BLOC1S6: variants seen among roughly 807,000 people sequenced by gnomAD.
The protein encoded by BLOC1S6 is biogenesis of lysosomal organelles complex 1 subunit 6, also known as biogenesis of lysosome-related organelles complex 1 subunit 6.
BLOC1S6 carries 24 observed loss-of-function variants against 24.7 expected under a neutral mutation model. That is an observed-to-expected ratio of 0.97 (90% CI 0.70 to 1.37). The LOEUF is 1.37. Among genes scored for constraint, BLOC1S6 ranks in the 40% most tolerant of loss-of-function variants. BLOC1S6 has a pLI of 0.00. For synonymous variants in BLOC1S6, 76 were observed against 72.6 expected, an observed-to-expected ratio of 1.05 and a Z score of -0.23; for missense variants, 175 against 196.2, an observed-to-expected ratio of 0.89 and a Z score of 0.64.
intron 2 of BLOC1S6, among the ~76,000 whole-genome samples, chr15:45,593,386 GAAAAAA>G (rs59495378): frequency 0.15 from 9,431 of 63,302 alleles, 1,231 homozygotes; most frequent in African/African-American, 0.38. Flanking sequence ...CTCTGTCTCC[GAAAAAA>G]AAAAAAAAAA....
intron 1 of BLOC1S6, among the ~76,000 whole-genome samples, chr15:45,589,204 T>G (rs976126575): frequency 6.6e-6 from 1 of 152,228 alleles, no homozygotes; most frequent in Non-Finnish European, 1.5e-5. Flanking sequence ...TATGTTGGTA[T>G]GGAAAGATAC....
In BLOC1S6 at chr15:45,592,252, C is replaced by A. The variant is rs772475341; in HGVS notation, c.200C>A (p.Ser67Ter). The change falls in exon 2 of 5, where the codon TCA becomes TAA. Residue 67 changes from serine (S) to a stop codon, truncating the protein, a stop_gained. Transcript: ENST00000220531. LOFTEE classifies it high-confidence loss of function. ...LSHYLPDLQR[S>*]KQALQELTQN... ...CATTATTTGCCAGATCTGCAGAGAT[C>A]AAAACAAGCCCTCCAGGAACTCACG... is the stretch of plus-strand genomic sequence containing the variant. 2 of 1,613,892 alleles carry A rather than the reference C, an allele frequency of 1.2e-6. 1 individual carries two copies. Among genetic ancestry groups the A allele is most frequent in the African/African-American group, 2.7e-5 (2 of 74,900 alleles).
chr15:45,595,015 T>C (rs1894018159), intron 2 of BLOC1S6, among the ~76,000 whole-genome samples: 1 of 152,088 alleles, frequency 6.6e-6, no homozygotes, highest in Non-Finnish European at 1.5e-5. Context: ...GGGTAGTGCC[T>C]GGGAGGTTCC....
rs901717899 is a variant in BLOC1S6 at position 45,605,571 on chromosome 15, T to C, written c.399+57T>C. The C allele has an allele frequency of 2.1e-5, 28 of 1,330,930 alleles. 1 individual carries two copies. The highest frequency in any genetic ancestry group is 3.8e-4 in the Middle Eastern group (2 of 5,262). 82.4% of individuals were successfully genotyped at this position (1,330,930 alleles called of 1,614,324 possible). On this transcript the variant is annotated intron_variant, in intron 4 of 4. Transcript: ENST00000220531. ...AAAGTAGAGGTTTAATTGTTTTTTGTTGTTTTTTTTTTTTTTCAGTATTCT... is the reference window on the plus strand; with the variant it reads ...AAAGTAGAGGTTTAATTGTTTTTTGCTGTTTTTTTTTTTTTTCAGTATTCT...
chr15:45,587,152 A>C (rs1595549427), upstream of BLOC1S6: 1 of 497,666 alleles, frequency 2.0e-6, no homozygotes, highest in Non-Finnish European at 3.7e-6. Flanking sequence ...CAAACCGACC[A>C]CCGTCCTCCC....
At chr15:45,603,053 C>A (rs780056996) in intron 2 of BLOC1S6, 47 bp from the exon 3 acceptor site, 55 of 1,269,926 alleles carry the variant, frequency 4.3e-5, no homozygotes, top group African/African-American at 5.9e-5. Flanking sequence ...AATGGACCGG[C>A]ACTTTAAATA....
chr15:45,594,809 T>G (rs1894009019), intron 2 of BLOC1S6, among the ~76,000 whole-genome samples: 1 of 152,162 alleles, frequency 6.6e-6, no homozygotes, highest in Non-Finnish European at 1.5e-5. Context: ...GGTTTTGAAC[T>G]CCTGACCTCA....
In BLOC1S6 at chr15:45,593,047, A is replaced by C. The variant is rs911031451; in HGVS notation, c.224+771A>C. ...GAGGAATAATAACTGTGCTTATTTT[A>C]TAATTATAAGTAATGTTATAATCCT... On this transcript the variant is annotated intron_variant, in intron 2 of 4. Coordinates refer to ENST00000220531, the MANE Select transcript of BLOC1S6 (RefSeq NM_012388.4). 2.6e-5 allele frequency among the ~76,000 whole-genome samples: 4 copies of C among 152,192 alleles called. No individual in the cohort carries two copies. In the South Asian group the frequency reaches 8.3e-4, roughly 31 times the overall value.
intron 1 of BLOC1S6, among the ~76,000 whole-genome samples, chr15:45,588,828 A>G (rs1893782316): frequency 6.6e-6 from 1 of 152,198 alleles, no homozygotes; most frequent in African/African-American, 2.4e-5. Flanking sequence ...ACTGTATTCC[A>G]GCCTTTCCTC....
intron 2 of BLOC1S6, among the ~76,000 whole-genome samples, chr15:45,593,464 A>T (rs1272055062): frequency 6.6e-6 from 1 of 151,802 alleles, no homozygotes; most frequent in Non-Finnish European, 1.5e-5. Context: ...GGGAGTTGGC[A>T]ACCTTCTCAG....
At position 45,608,888 on chromosome 15, in the gene BLOC1S6, T is replaced by C. The variant is rs1209036432; in HGVS notation, c.*2374T>C. On this transcript the variant is annotated 3_prime_UTR_variant, in exon 5 of 5. Transcript: ENST00000220531. ...AAATTCTGAGCTGCTGCTTTTGATATAGTCAGACTTAAGACTGAACCCCAG... is the reference window on the plus strand; with the variant it reads ...AAATTCTGAGCTGCTGCTTTTGATACAGTCAGACTTAAGACTGAACCCCAG... 1.3e-5 allele frequency: 2 copies of C among 152,226 alleles called. No homozygotes were observed. The highest frequency in any genetic ancestry group is 2.9e-5 in the Non-Finnish European group (2 of 68,038). 9.4% of individuals were successfully genotyped at this position (152,226 alleles called of 1,614,324 possible).
At chr15:45,601,637 G>T (rs572285233) in intron 2 of BLOC1S6, among the ~76,000 whole-genome samples, 112 of 150,546 alleles carry the variant, frequency 7.4e-4, no homozygotes, top group African/African-American at 1.4e-3. Context: ...ATACTTTGGG[G>T]TTTTTTTTTC....
Position 45,603,169 on chromosome 15 carries a change from G to T in BLOC1S6, c.294G>T (p.Met98Ile), listed in dbSNP as rs574333116. Residue 98 changes from methionine to isoleucine, a missense_variant, in exon 3 of 5, where the codon ATG (methionine) becomes ATT (isoleucine). Physicochemically the swap from Met to Ile is conservative, Grantham distance 10. Coordinates refer to ENST00000220531, the MANE Select transcript of BLOC1S6 (RefSeq NM_012388.4). ...CAAAATTTAAAGAATGTCATTCTAT[G>T]TTGGATATTAATGCTTTGGTAAGTA... ...EISKFKECHS[M>I]LDINALFAEA... 76 of 1,598,094 alleles carry T rather than the reference G, an allele frequency of 4.8e-5. No individual in the cohort carries two copies. Among genetic ancestry groups the T allele is most frequent in the Non-Finnish European group, 6.3e-5 (73 of 1,166,342 alleles).
chr15:45,589,883 A>T (rs1231050525), intron 1 of BLOC1S6, among the ~76,000 whole-genome samples: 2 of 152,238 alleles, frequency 1.3e-5, no homozygotes, highest in African/African-American at 2.4e-5. Context: ...ACTGAGACTC[A>T]TCCAATAATT....
chr15:45,595,451 A>G (rs746673238), intron 2 of BLOC1S6, among the ~76,000 whole-genome samples: 25 of 152,170 alleles, frequency 1.6e-4, no homozygotes, highest in Non-Finnish European at 3.4e-4. Flanking sequence ...GTGTCTGTTC[A>G]GATCTTTTGC....
chr15:45,595,003 C>G (rs142853533), intron 2 of BLOC1S6, among the ~76,000 whole-genome samples: 2 of 152,232 alleles, frequency 1.3e-5, no homozygotes, highest in East Asian at 3.9e-4. Flanking sequence ...CAGAGACACA[C>G]AGGGTAGTGC....
At chr15:45,587,161 C>T (rs1893700583), upstream of BLOC1S6, 3 of 519,292 alleles carry the variant, frequency 5.8e-6, no homozygotes, top group East Asian at 3.5e-5. Flanking sequence ...CACCGTCCTC[C>T]CCCAGCTCCC....
chr15:45,605,573 G>GTTTTT, intron 4 of BLOC1S6, 59 bp downstream of exon 4: 3 of 824,806 alleles, frequency 3.6e-6, no homozygotes, highest in Non-Finnish European at 3.6e-6. Flanking sequence ...GTTTTTTGTT[G>GTTTTT]TTTTTTTTTT....
At chr15:45,592,309 T>C (rs1437441034) in intron 2 of BLOC1S6, 33 bp downstream of exon 2, 2 of 1,610,902 alleles carry the variant, frequency 1.2e-6, no homozygotes, top group Admixed American at 3.3e-5. Flanking sequence ...ATACACTCAT[T>C]TCCTCTGTGG....
Sources: allele counts gnomAD v4.1 joint callset (sites outside exome capture counted in the v4.1 genomes callset), GRCh38; gene constraint gnomAD v4.1.1; transcripts MANE v1.5; gene names NCBI Gene and HGNC (gene_info 2026-07-23, HGNC 2026-07-21).